The following EEF1G variants were observed in gnomAD, a reference collection of about 807,000 sequenced individuals.
EEF1G encodes the protein eukaryotic translation elongation factor 1 gamma.
EEF1G carries 14 observed loss-of-function variants against 58.3 expected under a neutral mutation model. The observed-to-expected ratio is 0.24, with a 90% confidence interval of 0.16 to 0.38. The LOEUF is 0.38. Among genes scored for constraint, EEF1G ranks in the 10% least tolerant of loss-of-function variants. The pLI is 1.00. For synonymous variants in EEF1G, 180 were observed against 206.8 expected, an observed-to-expected ratio of 0.87 and a Z score of 1.11; for missense variants, 322 against 550.1, an observed-to-expected ratio of 0.59 and a Z score of 4.15.
chr11:62,562,808 G>C (rs930306377), intron 7 of EEF1G, among the ~76,000 whole-genome samples: 1 of 152,046 alleles, frequency 6.6e-6, no homozygotes, highest in East Asian at 1.9e-4. Context: ...TTTTCCTACA[G>C]CCTTTGATTT....
intron 1 of EEF1G, chr11:62,573,504 CAAAACGGACACAG>C: frequency 4.1e-6 from 2 of 490,094 alleles, no homozygotes; most frequent in South Asian, 4.8e-5. Context: ...TGTTACTCCA[CAAAACGGACACAG>C]AAGTTCGTCA....
chr11:62,564,408 A>G (rs7937146), intron 7 of EEF1G, among the ~76,000 whole-genome samples: 43,427 of 146,670 alleles, frequency 0.3, 6,935 homozygotes, highest in Non-Finnish European at 0.38. Flanking sequence ...AGACTGCAGT[A>G]AGCCGAGATC....
At chr11:62,564,658 AG>A (rs750530143) in intron 7 of EEF1G, among the ~76,000 whole-genome samples, 3 of 147,098 alleles carry the variant, frequency 2.0e-5, no homozygotes, top group African/African-American at 5.1e-5. Flanking sequence ...GCTACTCAAG[AG>A]GCTGAAGCAG....
chr11:62,563,803 T>C (rs1267428245), intron 7 of EEF1G, among the ~76,000 whole-genome samples: 1 of 152,206 alleles, frequency 6.6e-6, no homozygotes, highest in Non-Finnish European at 1.5e-5. Context: ...GATTACACTG[T>C]AGCAAAGCAG....
chr11:62,567,512 AAAG>A lies in EEF1G; in HGVS notation c.536_538del (p.Ser179del). On this transcript the variant is annotated inframe_deletion, in exon 6 of 10. Coordinates refer to ENST00000329251, the MANE Select transcript of EEF1G (RefSeq NM_001404.5). Reference sequence around the variant, plus strand: ...GTTGGTATTGGGAAAGGCCTGGCGGAAAGAAGGCTCTAGAACCTGCCAGGACAT... The same window carrying A: ...GTTGGTATTGGGAAAGGCCTGGCGGAAAGGCTCTAGAACCTGCCAGGACAT... The A allele has an allele frequency of 6.2e-7, 1 of 1,608,618 alleles. No individual in the cohort carries two copies. Among genetic ancestry groups the A allele is most frequent in the Non-Finnish European group, 8.5e-7 (1 of 1,177,308 alleles).
chr11:62,559,760 C>T lies in EEF1G; in HGVS notation c.1233G>A (p.Thr411=), dbSNP rs748064470. 1.6e-5 allele frequency: 26 copies of T among 1,613,880 alleles called. No individual in the cohort carries two copies. Among genetic ancestry groups the T allele is most frequent in the East Asian group, 4.5e-5 (2 of 44,898 alleles). The part of the protein sequence containing the change: ...KLDPGSEETQ[T]LVREYFSWEG... The stretch of plus-strand genomic sequence containing the variant: ...CCCAGGAAAAGTACTCTCGAACCAG[C>T]GTCTGGGTCTCCTCGCTGCCAGGAT... The change falls in exon 10 of 10, where the codon ACG becomes ACA. Residue 411 remains threonine (T), a synonymous_variant. Transcript: ENST00000329251.
chr11:62,573,855 A>G lies in EEF1G; in HGVS notation c.-13T>C, dbSNP rs1222176570. On this transcript the variant is annotated 5_prime_UTR_variant, in exon 1 of 10. Coordinates refer to ENST00000329251, the MANE Select transcript of EEF1G (RefSeq NM_001404.5). ...CCCCAGCCGCCATGGTGATTCCGCA[A>G]AGAAAGGGGGTGGGGTTCTCGGCGC... 4 of 1,613,654 alleles carry G rather than the reference A, an allele frequency of 2.5e-6. No individual in the cohort carries two copies. Among genetic ancestry groups the G allele is most frequent in the African/African-American group, 2.7e-5 (2 of 74,926 alleles).
rs1941535936 is a variant in EEF1G at position 62,564,748 on chromosome 11, G to C, written c.857+2058C>G. 2.9e-5 allele frequency among the ~76,000 whole-genome samples: 3 copies of C among 103,584 alleles called. No homozygotes were observed. In the South Asian group the frequency reaches 1.1e-3, roughly 38 times the overall value. 68.0% of individuals were successfully genotyped at this position (103,584 alleles called of 152,430 possible). ...CATCCCAGCCTGGGCGACAGAGCCA[G>C]ACTCCATCTCAAAAAAAAAAAAAAA... On this transcript the variant is annotated intron_variant, in intron 7 of 9. Coordinates refer to ENST00000329251, the MANE Select transcript of EEF1G (RefSeq NM_001404.5).
chr11:62,572,784 T>G, intron 1 of EEF1G, 42 bp from the exon 2 acceptor site: 14 of 1,558,146 alleles, frequency 9.0e-6, no homozygotes, highest in Non-Finnish European at 1.2e-5. Context: ...AGTAGAAGGG[T>G]CCCAGTCCTT....
At chr11:62,568,697 G>A (rs1330155041) in intron 5 of EEF1G, among the ~76,000 whole-genome samples, 1 of 152,074 alleles carries the variant, frequency 6.6e-6, no homozygotes, top group Non-Finnish European at 1.5e-5. Context: ...CGTCGGCCAG[G>A]AGCGGTGGCT....
intron 9 of EEF1G, 44 bp downstream of exon 9, chr11:62,560,025 C>A: frequency 6.2e-7 from 1 of 1,612,902 alleles, no homozygotes; most frequent in South Asian, 1.1e-5. Flanking sequence ...CTTCTTATAT[C>A]CCTGCCCCAC....
chr11:62,559,804 A>G lies in EEF1G; in HGVS notation c.1189T>C (p.Tyr397His), dbSNP rs767039896. 6.2e-7 allele frequency: 1 copy of G among 1,613,958 alleles called. No homozygotes were observed. The highest frequency in any genetic ancestry group is 8.5e-7 in the Non-Finnish European group (1 of 1,179,876). The change falls in exon 10 of 10, where the codon TAC becomes CAC. Residue 397 changes from tyrosine (Y) to histidine (H), a missense_variant. Tyr to His is a moderately conservative substitution (Grantham distance 83). Around this residue, in one of 3 missense-constraint regions of EEF1G, gnomAD observed 208 missense variants for 323.7 expected, o/e 0.64. Transcript: ENST00000329251. ...CCAGGATCCAGTTTCCGCCATGTGT[A>G]TGACTCGTAGTCCACCTGCCAATCT... is the stretch of plus-strand genomic sequence containing the variant. ...SPDWQVDYESYTWRKLDPGSE... is the reference protein window; with the variant it reads ...SPDWQVDYESHTWRKLDPGSE...
intron 7 of EEF1G, among the ~76,000 whole-genome samples, chr11:62,565,096 CA>C (rs1941541761): frequency 6.6e-6 from 1 of 150,826 alleles, no homozygotes; most frequent in African/African-American, 2.4e-5. Context: ...CAAAAAAAAA[CA>C]AAAAACACAA....
rs1590712096 is a variant in EEF1G, at chr11:62,572,475, AAAC to A, written c.171+106_171+108del. On this transcript the variant is annotated intron_variant, in intron 2 of 9. Coordinates refer to ENST00000329251, the MANE Select transcript of EEF1G (RefSeq NM_001404.5). ...AAAATAAAATCACCGAAATTGAATAAAACAACATGGGAAGCTCCCTTTTAGAGA... is the reference window on the plus strand; with the variant it reads ...AAAATAAAATCACCGAAATTGAATAAAACATGGGAAGCTCCCTTTTAGAGA... 8.4e-6 allele frequency: 12 copies of A among 1,422,578 alleles called. No individual in the cohort carries two copies. The East Asian group carries it at 1.6e-4, about 19-fold the overall frequency. 88.1% of individuals were successfully genotyped at this position (1,422,578 alleles called of 1,614,324 possible).
At chr11:62,569,947 G>A (rs1222595717) in intron 5 of EEF1G, among the ~76,000 whole-genome samples, 6 of 152,082 alleles carry the variant, frequency 3.9e-5, no homozygotes, top group Non-Finnish European at 7.3e-5. Flanking sequence ...TTTATAGATT[G>A]CAAAGAGTAA....
At chr11:62,572,881 G>C in intron 1 of EEF1G, 139 bp from the exon 2 acceptor site, 1 of 723,770 alleles carries the variant, frequency 1.4e-6, no homozygotes. Flanking sequence ...AAGTCCTTTA[G>C]TACTTGTCAT....
intron 5 of EEF1G, among the ~76,000 whole-genome samples, chr11:62,568,556 T>C (rs1941584926): frequency 6.6e-6 from 1 of 152,070 alleles, no homozygotes; most frequent in Non-Finnish European, 1.5e-5. Context: ...TCTAATCTTT[T>C]TTTTCAGTGT....
intron 5 of EEF1G, among the ~76,000 whole-genome samples, chr11:62,570,095 C>G (rs1941608325): frequency 6.7e-6 from 1 of 150,262 alleles, no homozygotes; most frequent in Admixed American, 6.6e-5. Flanking sequence ...GAGTCTCGCT[C>G]TTGTCCCCCA....
At chr11:62,567,313 A>G (rs2134293834) in intron 6 of EEF1G, 86 bp downstream of exon 6, 5 of 1,495,462 alleles carry the variant, frequency 3.3e-6, no homozygotes, top group Non-Finnish European at 4.4e-6. Context: ...CCATAACCCA[A>G]AAGCAAGACA....
Sources: gnomAD v4.1 joint callset for allele counts (sites outside exome capture counted in the v4.1 genomes callset) on GRCh38, gnomAD v4.1.1 for gene constraint, gnomAD v4.1.1 regional missense constraint, MANE v1.5 for transcripts, NCBI Gene and HGNC (gene_info 2026-07-23, HGNC 2026-07-21) for gene names.